HTR2C: variants seen among roughly 807,000 people sequenced by gnomAD.
The protein encoded by HTR2C is 5-hydroxytryptamine receptor 2C, also known as 5-hydroxytryptamine (serotonin) receptor 2C, G protein-coupled.
HTR2C carries 5 observed loss-of-function variants against 21.0 expected under a neutral mutation model. The ratio of observed to expected loss-of-function variants is 0.24; its 90% CI spans 0.12 to 0.50. The LOEUF (loss-of-function observed/expected upper bound fraction) is 0.50. Among genes scored for constraint, HTR2C ranks in the 20% least tolerant of loss-of-function variants. The pLI, the probability that HTR2C is intolerant of heterozygous loss-of-function variation, is 0.98. For missense variants in HTR2C, 271 were observed against 371.2 expected (o/e 0.73, Z 2.22); for synonymous variants, 150 against 145.3 (o/e 1.03, Z -0.23).
intron 1 of HTR2C, among the ~76,000 whole-genome samples, chrX:114,598,424 A>G (rs1381049275): frequency 1.8e-5 from 2 of 111,373 alleles, no homozygotes; most frequent in East Asian, 2.8e-4. Context: ...TTAACTTAAT[A>G]AAGATAAGTA....
chrX:114,616,579 G>A (rs782537992), intron 2 of HTR2C, among the ~76,000 whole-genome samples: 223 of 93,775 alleles, frequency 2.4e-3, no homozygotes, highest in Non-Finnish European at 4.1e-3. Context: ...AAGCCACCGC[G>A]CCCAGCATTT....
chrX:114,638,341 T>A (rs1279841140), intron 2 of HTR2C, among the ~76,000 whole-genome samples: 2 of 111,186 alleles, frequency 1.8e-5, no homozygotes, highest in Non-Finnish European at 3.8e-5. Flanking sequence ...TGTCTGTCAC[T>A]GTCCATCTTT....
chrX:114,599,729 G>A (rs1268570581), intron 1 of HTR2C, among the ~76,000 whole-genome samples: 3 of 112,027 alleles, frequency 2.7e-5, no homozygotes, highest in Admixed American at 1.9e-4. Context: ...ATATTGTATT[G>A]ATTTGAAATT....
chrX:114,796,578 G>T (rs1556445328), intron 4 of HTR2C, among the ~76,000 whole-genome samples: 1 of 111,594 alleles, frequency 9.0e-6, no homozygotes, highest in Non-Finnish European at 1.9e-5. Context: ...ATAAACTGCA[G>T]AGGAGGCAAA....
At chrX:114,855,677 A>G (rs1472270653) in intron 5 of HTR2C, among the ~76,000 whole-genome samples, 2 of 104,212 alleles carry the variant, frequency 1.9e-5, no homozygotes, top group Admixed American at 2.1e-4. Context: ...TTAGTCTATG[A>G]AAAAATACAT....
intron 5 of HTR2C, among the ~76,000 whole-genome samples, chrX:114,848,652 T>C (rs1404945922): frequency 9.0e-6 from 1 of 111,508 alleles, no homozygotes; most frequent in African/African-American, 3.2e-5. Context: ...GAAAAATTAA[T>C]AATGCAATCT....
chrX:114,663,943 G>A (rs1018324006), intron 2 of HTR2C, among the ~76,000 whole-genome samples: 27 of 111,541 alleles, frequency 2.4e-4, no homozygotes, highest in Non-Finnish European at 3.0e-4. Flanking sequence ...GAAGAAGACT[G>A]ACAGGATCAT....
intron 2 of HTR2C, among the ~76,000 whole-genome samples, chrX:114,710,431 G>A (rs1932874449): frequency 2.6e-5 from 1 of 38,979 alleles, no homozygotes; most frequent in African/African-American, 5.6e-5. Flanking sequence ...AAGAGATAGT[G>A]ATGAGGAGTG....
intron 2 of HTR2C, among the ~76,000 whole-genome samples, chrX:114,691,762 A>G (rs1932113424): frequency 8.9e-6 from 1 of 111,767 alleles, no homozygotes; most frequent in Admixed American, 9.6e-5. Context: ...AATTACAAGT[A>G]TATTTATACA....
chrX:114,671,251 A>G (rs1357807899), intron 2 of HTR2C, among the ~76,000 whole-genome samples: 1 of 112,111 alleles, frequency 8.9e-6, no homozygotes, highest in Non-Finnish European at 1.9e-5. Context: ...AAAATTATGG[A>G]TGACTCTTTA....
intron 1 of HTR2C, among the ~76,000 whole-genome samples, chrX:114,597,143 A>G (rs782142343): frequency 9.6e-6 from 1 of 104,341 alleles, no homozygotes; most frequent in Non-Finnish European, 2.0e-5. Context: ...ACTTGAACCC[A>G]GAAGGCAGAG....
intron 4 of HTR2C, among the ~76,000 whole-genome samples, chrX:114,768,225 C>T (rs2069964935): frequency 9.0e-6 from 1 of 110,808 alleles, no homozygotes; most frequent in African/African-American, 3.3e-5. Context: ...ACTAGATTCT[C>T]TTTTATAAAT....
Position 114,785,297 on chromosome X carries a change from C to T in HTR2C, c.349+53690C>T, listed in dbSNP as rs782687115. On this transcript the variant is annotated intron_variant, in intron 4 of 5. Transcript: ENST00000276198. ...TCCCAATTTTATGAATATAGAATAA[C>T]CTTGATATTAGTGAGAAAAAAATAC... is the stretch of plus-strand genomic sequence containing the variant. 4.5e-5 allele frequency among the ~76,000 whole-genome samples: 5 copies of T among 111,215 alleles called. No homozygotes were observed. In the East Asian group the frequency reaches 1.1e-3, roughly 25 times the overall value.
chrX:114,615,271 C>A (rs1489786267), intron 2 of HTR2C, among the ~76,000 whole-genome samples: 2 of 111,497 alleles, frequency 1.8e-5, no homozygotes, highest in African/African-American at 6.5e-5. Context: ...CTGTTTTATT[C>A]AACTACTCAC....
Position 114,727,325 on chromosome X carries a change from A to G in HTR2C, c.35+354A>G, listed in dbSNP as rs1342474084. Among the ~76,000 whole-genome samples, 3 of 111,910 alleles carry G rather than the reference A, an allele frequency of 2.7e-5. No individual in the cohort carries two copies. In the Admixed American group the frequency reaches 2.9e-4, roughly 11 times the overall value. ...TTGCATGAACTGAACAGTTAAGAGA[A>G]TGAAATGCCTCTGGTTTTGTGAAGA... On this transcript the variant is annotated intron_variant, in intron 3 of 5. Transcript: ENST00000276198.
chrX:114,718,118 C>A (rs1163110402), intron 2 of HTR2C, among the ~76,000 whole-genome samples: 1 of 111,171 alleles, frequency 9.0e-6, no homozygotes, highest in African/African-American at 3.3e-5. Flanking sequence ...CACCTGCTGA[C>A]CTCAAGCCAT....
rs1269662547 is a variant in HTR2C at position 114,703,802 on chromosome X, A to T, written c.-79-23056A>T. ...TTTTTTGAAAGGATCAACAAAATTGATAGACCGCTAGCAAGACTAATAAAG... is the reference window on the plus strand; with the variant it reads ...TTTTTTGAAAGGATCAACAAAATTGTTAGACCGCTAGCAAGACTAATAAAG... On this transcript the variant is annotated intron_variant, in intron 2 of 5. Transcript: ENST00000276198. Among the ~76,000 whole-genome samples the T allele has an allele frequency of 3.6e-5, 4 of 110,742 alleles. No individual in the cohort carries two copies. In the East Asian group the frequency reaches 1.1e-3, roughly 32 times the overall value.
chrX:114,826,082 T>C (rs1421559614), intron 4 of HTR2C, among the ~76,000 whole-genome samples: 2 of 6,015 alleles, frequency 3.3e-4, no homozygotes, highest in Admixed American at 4.1e-3. Context: ...AATCAAAAAC[T>C]TTTTTTTTTT....
At chrX:114,897,796 C>T (rs986911023) in intron 5 of HTR2C, among the ~76,000 whole-genome samples, 1 of 112,415 alleles carries the variant, frequency 8.9e-6, no homozygotes, top group African/African-American at 3.2e-5. Flanking sequence ...TTTCTTTATC[C>T]AATCTATCAT....
Sources: allele counts gnomAD v4.1 joint callset (sites outside exome capture counted in the v4.1 genomes callset), GRCh38; gene constraint gnomAD v4.1.1; transcripts MANE v1.5; gene names NCBI Gene and HGNC (gene_info 2026-07-23, HGNC 2026-07-21).